TG: variants seen among roughly 807,000 people sequenced by gnomAD.
TG encodes thyroglobulin.
A neutral mutation model predicts 324.7 loss-of-function variants in TG; 270 were observed. That is an observed-to-expected ratio of 0.83 (90% CI 0.75 to 0.92). The LOEUF (loss-of-function observed/expected upper bound fraction) is 0.92, where lower values mean the gene tolerates loss of function less well. TG is among the 40% of genes least tolerant of loss of function. The pLI, the probability that TG is intolerant of heterozygous loss-of-function variation, is 0.00. For synonymous variants in TG, 1,401 were observed against 1,327.0 expected (o/e 1.06, Z -1.21); for missense variants, 3,591 against 3,456.4 (o/e 1.04, Z -0.98).
intron 47 of TG, 48 bp downstream of exon 47, chr8:133,133,708 C>T (rs748197574): frequency 6.3e-7 from 1 of 1,587,874 alleles, no homozygotes; most frequent in African/African-American, 1.3e-5. Context: ...TTGATCTCAG[C>T]ATCTGCTGTG....
intron 43 of TG, chr8:133,102,737 A>G: frequency 1.6e-6 from 1 of 641,774 alleles, no homozygotes; most frequent in East Asian, 2.8e-5. Flanking sequence ...ATTCATTTGC[A>G]TGATCAAAAG....
chr8:132,984,430 C>T (rs1004628665), intron 35 of TG, among the ~76,000 whole-genome samples: 3 of 152,212 alleles, frequency 2.0e-5, no homozygotes, highest in African/African-American at 7.2e-5. Flanking sequence ...AAGCACTTTG[C>T]ATTCATGATA....
At chr8:132,980,485 C>T (rs1830692208) in intron 34 of TG, among the ~76,000 whole-genome samples, 2 of 152,096 alleles carry the variant, frequency 1.3e-5, no homozygotes, top group Admixed American at 1.3e-4. Context: ...CTATGCACCC[C>T]TTCCTTTTGG....
At chr8:133,029,593 T>C (rs1222986619) in intron 40 of TG, among the ~76,000 whole-genome samples, 1 of 152,180 alleles carries the variant, frequency 6.6e-6, no homozygotes, top group Non-Finnish European at 1.5e-5. Context: ...AAGAACATGA[T>C]CAAGGTCTCC....
chr8:132,898,325 C>G, intron 13 of TG, 79 bp downstream of exon 13: 1 of 1,365,434 alleles, frequency 7.3e-7, no homozygotes, highest in Non-Finnish European at 1.0e-6. Flanking sequence ...GTTGCCTAAC[C>G]GCTGGAGACT....
intron 41 of TG, among the ~76,000 whole-genome samples, chr8:133,066,963 T>C (rs1197423599): frequency 6.6e-6 from 1 of 152,078 alleles, no homozygotes; most frequent in Non-Finnish European, 1.5e-5. Flanking sequence ...GGGGAAAGGG[T>C]TGGGCTGAAC....
chr8:132,937,149 G>A (rs552724262), intron 25 of TG, among the ~76,000 whole-genome samples: 2 of 152,320 alleles, frequency 1.3e-5, no homozygotes, highest in East Asian at 3.9e-4. Context: ...GGCCATGGCT[G>A]TGCACCAGAT....
chr8:132,966,507 CAT>C, intron 29 of TG, 51 bp from the exon 30 acceptor site: 1 of 1,607,514 alleles, frequency 6.2e-7, no homozygotes. Context: ...GTGTTTTTCT[CAT>C]ATTCACTAGA....
At chr8:133,102,338 A>G (rs1205898931) in intron 43 of TG, 17 of 495,366 alleles carry the variant, frequency 3.4e-5, no homozygotes, top group Middle Eastern at 5.3e-4. Context: ...CTTCCCAGGG[A>G]AGTCACGGAG....
At chr8:132,979,416 G>A (rs2130642472) in intron 34 of TG, among the ~76,000 whole-genome samples, 1 of 152,294 alleles carries the variant, frequency 6.6e-6, no homozygotes, top group Middle Eastern at 3.4e-3. Context: ...AATTCTAGAT[G>A]TAAGAATCTG....
In TG at chr8:133,134,892, G is replaced by A; in HGVS notation, c.*98G>A. ...CTTACCTTCAATAAAGTATCTACAT[G>A]CGGTGAAGCATTGTTGACTCTAATG... On this transcript the variant is annotated 3_prime_UTR_variant, in exon 48 of 48. Coordinates refer to ENST00000220616, the MANE Select transcript of TG (RefSeq NM_003235.5). 1.1e-6 allele frequency: 1 copy of A among 909,078 alleles called. No individual in the cohort carries two copies. Among genetic ancestry groups the A allele is most frequent in the South Asian group, 1.4e-5 (1 of 73,404 alleles). 56.3% of individuals were successfully genotyped at this position (909,078 alleles called of 1,614,324 possible).
At chr8:132,915,063 C>T (rs867809062) in intron 20 of TG, among the ~76,000 whole-genome samples, 63 of 152,060 alleles carry the variant, frequency 4.1e-4, no homozygotes, top group African/African-American at 1.5e-3. Context: ...TGTTTTTGTC[C>T]GTACGCATGT....
intron 11 of TG, 38 bp from the exon 12 acceptor site, chr8:132,897,611 G>A (rs774077959): frequency 6.2e-7 from 1 of 1,613,778 alleles, no homozygotes; most frequent in Admixed American, 1.7e-5. Flanking sequence ...ACACAGAGCA[G>A]GTGGTCATAT....
chr8:133,082,440 G>A (rs1845896919), intron 41 of TG, among the ~76,000 whole-genome samples: 1 of 152,134 alleles, frequency 6.6e-6, no homozygotes, highest in Non-Finnish European at 1.5e-5. Context: ...CTTTCTTAAG[G>A]CCTTAATCGT....
chr8:133,043,535 A>G (rs1838727422), intron 41 of TG, among the ~76,000 whole-genome samples: 1 of 152,208 alleles, frequency 6.6e-6, no homozygotes, highest in African/African-American at 2.4e-5. Context: ...AACGCACTAC[A>G]TGAACGATTG....
intron 21 of TG, among the ~76,000 whole-genome samples, chr8:132,920,691 A>T (rs941886512): frequency 1.3e-5 from 2 of 152,242 alleles, no homozygotes; most frequent in Admixed American, 1.3e-4. Context: ...GGGATATGAC[A>T]GAAATGGCAG....
chr8:132,914,215 C>T, intron 20 of TG, among the ~76,000 whole-genome samples: 1 of 152,194 alleles, frequency 6.6e-6, no homozygotes, highest in East Asian at 1.9e-4. Context: ...ATTCTGAGGA[C>T]TGGGATATGG....
intron 27 of TG, among the ~76,000 whole-genome samples, chr8:132,960,303 C>G (rs1827554099): frequency 6.6e-6 from 1 of 152,122 alleles, no homozygotes; most frequent in Non-Finnish European, 1.5e-5. Flanking sequence ...TCAGCCAGCC[C>G]TCTCCTGTAG....
chr8:133,012,081 C>T, intron 36 of TG, 46 bp downstream of exon 36: 6 of 1,613,058 alleles, frequency 3.7e-6, no homozygotes, highest in Non-Finnish European at 5.1e-6. Flanking sequence ...CAAAACCTCA[C>T]ACAAGTGCTG....
Sources: gnomAD v4.1 joint callset for allele counts (sites outside exome capture counted in the v4.1 genomes callset) on GRCh38, gnomAD v4.1.1 for gene constraint, MANE v1.5 for transcripts, NCBI Gene and HGNC (gene_info 2026-07-23, HGNC 2026-07-21) for gene names.